GNAQ: variants seen among roughly 807,000 people sequenced by gnomAD.
The protein encoded by GNAQ is G protein subunit alpha q, also known as guanine nucleotide-binding protein G(q) subunit alpha.
Under a neutral mutation model 43.9 loss-of-function variants are expected in GNAQ, and 8 were observed. That is an observed-to-expected ratio of 0.18 (90% confidence interval 0.11 to 0.33). The LOEUF (loss-of-function observed/expected upper bound fraction) is 0.33. GNAQ is among the 10% of genes least tolerant of loss of function. GNAQ has a pLI of 1.00. For synonymous variants in GNAQ, 155 were observed against 170.7 expected (o/e 0.91, Z 0.71); for missense variants, 158 against 450.8 (o/e 0.35, Z 5.88).
intron 1 of GNAQ, among the ~76,000 whole-genome samples, chr9:77,947,770 T>G (rs1051869540): frequency 1.3e-5 from 2 of 152,128 alleles, no homozygotes; most frequent in Admixed American, 1.3e-4. Context: ...GGGTGGAGCA[T>G]GAGATTCTGC....
chr9:77,770,724 G>A (rs1587908892), intron 5 of GNAQ, among the ~76,000 whole-genome samples: 2 of 152,274 alleles, frequency 1.3e-5, no homozygotes, highest in South Asian at 4.1e-4. Context: ...TATTCAGTGG[G>A]AGGAAAATTG....
intron 1 of GNAQ, among the ~76,000 whole-genome samples, chr9:77,972,297 C>T (rs1006369078): frequency 3.9e-4 from 59 of 152,200 alleles, no homozygotes; most frequent in African/African-American, 1.3e-3. Flanking sequence ...CGTGCACGCA[C>T]CATGGCAAAT....
intron 2 of GNAQ, among the ~76,000 whole-genome samples, chr9:77,911,508 G>A (rs527351095): frequency 9.2e-5 from 14 of 152,186 alleles, no homozygotes; most frequent in South Asian, 4.1e-4. Context: ...GTTAATAAAA[G>A]GGCAAAATCA....
At position 78,016,776 on chromosome 9, in the gene GNAQ, T is replaced by A. The variant is rs1823844536; in HGVS notation, c.136+14324A>T. Among the ~76,000 whole-genome samples the A allele has an allele frequency of 2.0e-5, 3 of 152,206 alleles. No homozygotes were observed. The South Asian group carries it at 6.2e-4, about 31-fold the overall frequency. On this transcript the variant is annotated intron_variant, in intron 1 of 6. Transcript: ENST00000286548. ...AGTTCAGGCATCTGTTAATTATTTT[T>A]GTAGGCATGTTTTGTAATTTTGTTA...
chr9:77,813,955 G>GAGA (rs1397238373), intron 3 of GNAQ, among the ~76,000 whole-genome samples: 1 of 152,208 alleles, frequency 6.6e-6, no homozygotes, highest in African/African-American at 2.4e-5. Context: ...GTAGCAAAGT[G>GAGA]AGAAGCAGAG....
chr9:77,735,718 C>T (rs1825568333), intron 5 of GNAQ, among the ~76,000 whole-genome samples: 1 of 152,196 alleles, frequency 6.6e-6, no homozygotes. Context: ...CAGGAATTCA[C>T]ATGAATCTGC....
chr9:77,975,782 C>T (rs59505618), intron 1 of GNAQ, among the ~76,000 whole-genome samples: 2,183 of 152,168 alleles, frequency 0.014, 58 homozygotes, highest in African/African-American at 0.049. Context: ...ATGATCCACC[C>T]GCCTCAGCCT....
chr9:77,862,196 G>T (rs1827866084), intron 2 of GNAQ, among the ~76,000 whole-genome samples: 1 of 151,836 alleles, frequency 6.6e-6, no homozygotes. Flanking sequence ...GGATCTGGAG[G>T]ATCTCTTGTC....
chr9:77,990,180 T>A (rs141739189), intron 1 of GNAQ, among the ~76,000 whole-genome samples: 4 of 152,220 alleles, frequency 2.6e-5, no homozygotes, highest in African/African-American at 9.6e-5. Flanking sequence ...CAGTGCCTCA[T>A]GGAATTGGAG....
chr9:77,784,265 A>G (rs973122380), intron 5 of GNAQ, among the ~76,000 whole-genome samples: 2 of 152,174 alleles, frequency 1.3e-5, no homozygotes, highest in Non-Finnish European at 2.9e-5. Context: ...CACACAGTGT[A>G]TACAATTTAT....
chr9:77,832,025 CTGGGTAA>C (rs1403651942), intron 2 of GNAQ, among the ~76,000 whole-genome samples: 1 of 151,844 alleles, frequency 6.6e-6, no homozygotes, highest in Non-Finnish European at 1.5e-5. Context: ...TGCCTCTGCT[CTGGGTAA>C]CTCTCAGGAT....
rs77031310 is a variant in GNAQ at position 77,974,811 on chromosome 9, C to T, written c.137-52466G>A. On this transcript the variant is annotated intron_variant, in intron 1 of 6. Coordinates refer to ENST00000286548, the MANE Select transcript of GNAQ (RefSeq NM_002072.5). ...AATTAATACAAACTGCAAAGCATGA[C>T]GGATTGCTGCTGTTCACCTTGCTCC... is the stretch of plus-strand genomic sequence containing the variant. Among the ~76,000 whole-genome samples the T allele has an allele frequency of 1.6e-4, 24 of 152,332 alleles. No homozygotes were observed. The East Asian group carries it at 3.9e-3, about 24-fold the overall frequency.
In GNAQ at chr9:77,755,355, T is replaced by TA. The variant is rs1455716552; in HGVS notation, c.736-26689dup. Reference sequence around the variant, plus strand: ...GTTAAGTTTATTGTACATTTTAAGATAACTAAAGGTATAATTGGAATCTTT... The same window carrying TA: ...GTTAAGTTTATTGTACATTTTAAGATAAACTAAAGGTATAATTGGAATCTTT... On this transcript the variant is annotated intron_variant, in intron 5 of 6. Coordinates refer to ENST00000286548, the MANE Select transcript of GNAQ (RefSeq NM_002072.5). Among the ~76,000 whole-genome samples the TA allele has an allele frequency of 2.0e-5, 3 of 152,312 alleles. No homozygotes were observed. The East Asian group carries it at 5.8e-4, about 29-fold the overall frequency.
chr9:77,806,988 A>T (rs986246277), intron 3 of GNAQ, among the ~76,000 whole-genome samples: 2 of 152,236 alleles, frequency 1.3e-5, no homozygotes, highest in Non-Finnish European at 2.9e-5. Flanking sequence ...TCCCATGGTC[A>T]TGTCAGTTAT....
At chr9:77,867,736 T>C (rs1288011986) in intron 2 of GNAQ, among the ~76,000 whole-genome samples, 1 of 152,150 alleles carries the variant, frequency 6.6e-6, no homozygotes, top group African/African-American at 2.4e-5. Flanking sequence ...CAATCCAGAC[T>C]CTCAATTGCA....
chr9:77,912,193 C>T (rs1426144385), intron 2 of GNAQ, among the ~76,000 whole-genome samples: 1 of 152,106 alleles, frequency 6.6e-6, no homozygotes, highest in African/African-American at 2.4e-5. Context: ...AGCAGTGGCA[C>T]AAAGATATAC....
chr9:77,843,351 C>T lies in GNAQ; in HGVS notation c.322-27581G>A, dbSNP rs56757606. ...GCTGCAGAGGCAGGGACAGAGGAAG[C>T]GAGCAGAAGAGTGCTAAGGTGAGAG... is the stretch of plus-strand genomic sequence containing the variant. On this transcript the variant is annotated intron_variant, in intron 2 of 6. Coordinates refer to ENST00000286548, the MANE Select transcript of GNAQ (RefSeq NM_002072.5). Among the ~76,000 whole-genome samples the T allele has an allele frequency of 4.7e-3, 715 of 152,240 alleles. 5 individuals are homozygous for T. Among genetic ancestry groups the T allele is most frequent in the African/African-American group, 0.016 (661 of 41,550 alleles).
At chr9:77,872,549 T>G (rs147781851) in intron 2 of GNAQ, among the ~76,000 whole-genome samples, 3 of 152,180 alleles carry the variant, frequency 2.0e-5, no homozygotes, top group Non-Finnish European at 4.4e-5. Context: ...AAGAAACCCA[T>G]AATACAAACA....
At chr9:77,951,637 T>G (rs528569170) in intron 1 of GNAQ, among the ~76,000 whole-genome samples, 3 of 152,262 alleles carry the variant, frequency 2.0e-5, no homozygotes, top group Admixed American at 2.0e-4. Context: ...CAGTCCATGG[T>G]TGGAATAGGT....
Sources: gnomAD v4.1 joint callset for allele counts (sites outside exome capture counted in the v4.1 genomes callset) on GRCh38, gnomAD v4.1.1 for gene constraint, MANE v1.5 for transcripts, NCBI Gene and HGNC (gene_info 2026-07-23, HGNC 2026-07-21) for gene names.